Variants in VWDE observed in about 807,000 individuals in gnomAD.
The protein encoded by VWDE is von Willebrand factor D and EGF domains.
In VWDE, 207 loss-of-function variants were observed where a neutral mutation model predicts 178.4. The observed-to-expected ratio is 1.16, with a 90% CI of 1.04 to 1.30. The LOEUF (loss-of-function observed/expected upper bound fraction) is 1.30, where lower values mean the gene tolerates loss of function less well. Among genes scored for constraint, VWDE ranks in the 50% most tolerant of loss-of-function variants. The pLI is 0.00. For missense variants in VWDE, 2,287 were observed against 1,901.3 expected (o/e 1.20, Z -3.77); for synonymous variants, 738 against 651.4 (o/e 1.13, Z -2.02).
chr7:12,378,556 A>G (rs1052070626), intron 6 of VWDE, among the ~76,000 whole-genome samples: 3 of 152,084 alleles, frequency 2.0e-5, no homozygotes, highest in African/African-American at 7.2e-5. Context: ...GATTCTTAAT[A>G]CTGAATATTC....
At chr7:12,342,952 G>T in intron 22 of VWDE, 131 bp downstream of exon 22, 2 of 547,498 alleles carry the variant, frequency 3.7e-6, no homozygotes, top group Non-Finnish European at 6.1e-6. Flanking sequence ...TTGTCCTTGC[G>T]ATAGTTTACA....
intron 11 of VWDE, 35 bp downstream of exon 11, chr7:12,370,618 ATAT>A: frequency 1.9e-6 from 3 of 1,544,158 alleles, no homozygotes; most frequent in Non-Finnish European, 2.6e-6. Flanking sequence ...TTTAAGTCTA[ATAT>A]TAATATAATC....
chr7:12,385,235 T>C (rs2159207), intron 3 of VWDE, among the ~76,000 whole-genome samples: 5,300 of 152,240 alleles, frequency 0.035, 332 homozygotes, highest in African/African-American at 0.12. Flanking sequence ...AAGTGAAATT[T>C]TGCCCTCTAC....
chr7:12,396,505 G>C (rs191207189), intron 1 of VWDE, among the ~76,000 whole-genome samples: 2 of 152,170 alleles, frequency 1.3e-5, no homozygotes, highest in African/African-American at 4.8e-5. Context: ...TTGAGAAAGA[G>C]AAAAACCACT....
chr7:12,349,235 T>C (rs1467049246), intron 19 of VWDE, among the ~76,000 whole-genome samples: 1 of 130,016 alleles, frequency 7.7e-6, no homozygotes, highest in African/African-American at 2.6e-5. Flanking sequence ...ATAATCATAA[T>C]AATAAATAAA....
chr7:12,369,638 A>C lies in VWDE; in HGVS notation c.2668T>G (p.Cys890Gly). The C allele has an allele frequency of 6.4e-7, 1 of 1,551,576 alleles. No homozygotes were observed. The highest frequency in any genetic ancestry group is 8.7e-7 in the Non-Finnish European group (1 of 1,146,870). Reference sequence around the variant, plus strand: ...CCATTGCCGCTGCATAAATTGGGGCATTTTAATACTGAGAGAATGTCTTCA... The same window carrying C: ...CCATTGCCGCTGCATAAATTGGGGCCTTTTAATACTGAGAGAATGTCTTCA... ...SIEDILSVLKCPNLCSGNGQC... is the reference protein window; with the variant it reads ...SIEDILSVLKGPNLCSGNGQC... Residue 890 changes from cysteine (C) to glycine (G), a missense_variant, in exon 12 of 29, where the codon TGC becomes GGC. Cys to Gly is a radical substitution (Grantham distance 159, BLOSUM62 -3). Transcript: ENST00000275358.
Position 12,342,121 on chromosome 7 carries a change from T to G in VWDE, c.4208A>C (p.Gln1403Pro). 1 of 1,551,580 alleles carries G rather than the reference T, an allele frequency of 6.4e-7. No homozygotes were observed. The highest frequency in any genetic ancestry group is 8.7e-7 in the Non-Finnish European group (1 of 1,146,898). Reference protein sequence around the residue: ...VCNRHCENGGQCLTPDICQCK... With the variant: ...VCNRHCENGGPCLTPDICQCK... The stretch of plus-strand genomic sequence containing the variant: ...CTGGCAAATATCTGGTGTAAGACAC[T>G]GGCCTCCATTTTCACAGTGCCTGTT... The change falls in exon 23 of 29, where the codon CAG becomes CCG. Residue 1403 changes from glutamine to proline, a missense_variant. Gln to Pro is a moderately conservative substitution (Grantham distance 76). Transcript: ENST00000275358.
chr7:12,396,626 T>C (rs536916612), intron 1 of VWDE, among the ~76,000 whole-genome samples: 2 of 152,146 alleles, frequency 1.3e-5, no homozygotes, highest in Non-Finnish European at 2.9e-5. Context: ...ATCCATTGTC[T>C]GCCAGATGTG....
rs1783408216 is a variant in VWDE at position 12,374,655 on chromosome 7, A to G, written c.1316+34T>C. 2.1e-6 allele frequency: 3 copies of G among 1,412,726 alleles called. No homozygotes were observed. In the South Asian group the frequency reaches 3.9e-5, roughly 19 times the overall value. 87.5% of individuals were successfully genotyped at this position (1,412,726 alleles called of 1,614,324 possible). A position where few individuals can be genotyped will look rare whatever the true frequency, so the allele number is the denominator to read the frequency against. ...TAAAACAACAAAATCAAAGCAAACAAAACTACTAAAAGAAGAAACTTTCAG... is the reference window on the plus strand; with the variant it reads ...TAAAACAACAAAATCAAAGCAAACAGAACTACTAAAAGAAGAAACTTTCAG... On this transcript the variant is annotated intron_variant, in intron 9 of 28. Transcript: ENST00000275358.
chr7:12,342,963 A>G (rs1781407552), intron 22 of VWDE, 120 bp downstream of exon 22: 1 of 644,648 alleles, frequency 1.6e-6, no homozygotes, highest in Non-Finnish European at 2.5e-6. Context: ...ATAGTTTACA[A>G]GAACTATCAC....
intron 18 of VWDE, among the ~76,000 whole-genome samples, chr7:12,353,190 C>T (rs527408684): frequency 6.6e-6 from 1 of 152,292 alleles, no homozygotes; most frequent in African/African-American, 2.4e-5. Context: ...TGATCCAAGA[C>T]CAAAGTGATC....
At chr7:12,361,988 C>T (rs1057470335) in intron 13 of VWDE, among the ~76,000 whole-genome samples, 1 of 152,136 alleles carries the variant, frequency 6.6e-6, no homozygotes, top group East Asian at 1.9e-4. Context: ...ATCTCCCTGA[C>T]TATGCTTGAC....
intron 7 of VWDE, chr7:12,377,481 A>G (rs1783592427): frequency 2.1e-5 from 4 of 194,828 alleles, no homozygotes; most frequent in African/African-American, 9.3e-5. Flanking sequence ...GGAGAATGAG[A>G]AAAAAATAGG....
At chr7:12,400,500 A>G (rs571049985) in intron 1 of VWDE, among the ~76,000 whole-genome samples, 2 of 152,154 alleles carry the variant, frequency 1.3e-5, no homozygotes, top group African/African-American at 4.8e-5. Flanking sequence ...AAACCAACTC[A>G]AGAAGAAAAA....
chr7:12,341,700 G>A (rs1781341346), intron 23 of VWDE, among the ~76,000 whole-genome samples: 1 of 151,840 alleles, frequency 6.6e-6, no homozygotes, highest in Admixed American at 6.6e-5. Flanking sequence ...ACTTAATTCA[G>A]AATTGCTTAG....
intron 28 of VWDE, among the ~76,000 whole-genome samples, chr7:12,332,036 T>G (rs1319165153): frequency 6.6e-6 from 1 of 152,056 alleles, no homozygotes; most frequent in Non-Finnish European, 1.5e-5. Flanking sequence ...GTCTGAACCC[T>G]CCTTTGGGGA....
chr7:12,356,545 T>C (rs73678107), intron 17 of VWDE, among the ~76,000 whole-genome samples: 2,587 of 152,104 alleles, frequency 0.017, 64 homozygotes, highest in African/African-American at 0.06. Flanking sequence ...ATAACCACAA[T>C]ATAATACTAA....
intron 27 of VWDE, among the ~76,000 whole-genome samples, chr7:12,334,220 G>A (rs1400708339): frequency 6.6e-6 from 1 of 151,986 alleles, no homozygotes; most frequent in Non-Finnish European, 1.5e-5. Context: ...AAACATAAGA[G>A]GGGAAGTAAA....
chr7:12,336,997 A>G lies in VWDE; in HGVS notation c.4549T>C (p.Cys1517Arg), dbSNP rs1336154456. 6.4e-6 allele frequency: 10 copies of G among 1,550,988 alleles called. No homozygotes were observed. The highest frequency in any genetic ancestry group is 2.0e-5 in the Admixed American group (1 of 50,948). ...AGAGTATTCCTCTTACGTGTGTTGCATCGTTTCCCACTCCAACCAGAAGGA... is the reference window on the plus strand; with the variant it reads ...AGAGTATTCCTCTTACGTGTGTTGCGTCGTTTCCCACTCCAACCAGAAGGA... ...SCPSGWSGKRCNTPICLQKCK... is the reference protein window; with the variant it reads ...SCPSGWSGKRRNTPICLQKCK... The change falls in exon 26 of 29, where the codon TGC (cysteine) becomes CGC (arginine). Residue 1517 changes from cysteine (C) to arginine (R), a missense_variant. Physicochemically the swap from Cys to Arg is radical, Grantham distance 180. Transcript: ENST00000275358.
Sources: gnomAD v4.1 joint callset for allele counts (sites outside exome capture counted in the v4.1 genomes callset) on GRCh38, gnomAD v4.1.1 for gene constraint, MANE v1.5 for transcripts, NCBI Gene and HGNC (gene_info 2026-07-23, HGNC 2026-07-21) for gene names.